Variants in CCDC178 observed in about 807,000 individuals in gnomAD.
CCDC178 encodes the protein coiled-coil domain-containing protein 178.
CCDC178 carries 126 observed loss-of-function variants against 117.4 expected under a neutral mutation model. The observed-to-expected ratio is 1.07, with a 90% CI of 0.93 to 1.24. The LOEUF is 1.24. CCDC178 is among the 50% of genes most tolerant of loss of function. CCDC178 has a pLI of 0.00. For missense variants in CCDC178, 1,030 were observed against 986.9 expected (o/e 1.04, Z -0.59); for synonymous variants, 283 against 313.4 (o/e 0.90, Z 1.02).
At chr18:33,049,399 T>G (rs1399343885) in intron 21 of CCDC178, among the ~76,000 whole-genome samples, 4 of 152,192 alleles carry the variant, frequency 2.6e-5, no homozygotes, top group African/African-American at 9.6e-5. Context: ...TTTGATTTAA[T>G]GTAATTTAAA....
intron 12 of CCDC178, among the ~76,000 whole-genome samples, chr18:33,269,964 G>T (rs1338008394): frequency 6.6e-6 from 1 of 151,608 alleles, no homozygotes; most frequent in South Asian, 2.1e-4. Flanking sequence ...ATATGTTCAA[G>T]GATCTAAAGG....
chr18:33,023,913 G>A (rs536467743), intron 21 of CCDC178, among the ~76,000 whole-genome samples: 5 of 152,220 alleles, frequency 3.3e-5, no homozygotes, highest in Admixed American at 6.5e-5. Flanking sequence ...CAAGGGATAT[G>A]GTACTACTGA....
chr18:33,062,339 T>C (rs768614895), intron 21 of CCDC178, among the ~76,000 whole-genome samples: 3 of 152,196 alleles, frequency 2.0e-5, no homozygotes, highest in African/African-American at 4.8e-5. Flanking sequence ...TAAACTTGAC[T>C]TCACGATGGC....
chr18:33,086,417 AATAT>A (rs1318096366), intron 21 of CCDC178, among the ~76,000 whole-genome samples: 1 of 149,686 alleles, frequency 6.7e-6, no homozygotes, highest in African/African-American at 2.5e-5. Flanking sequence ...TACATATATA[AATAT>A]ATATACACAC....
intron 20 of CCDC178, among the ~76,000 whole-genome samples, chr18:33,138,207 C>G (rs530812061): frequency 1.8e-4 from 28 of 152,294 alleles, no homozygotes; most frequent in African/African-American, 6.0e-4. Context: ...GAGAAATACA[C>G]AGTTGCTGAA....
intron 22 of CCDC178, chr18:32,954,669 G>T (rs2054556543): frequency 6.6e-6 from 1 of 152,094 alleles, no homozygotes; most frequent in Non-Finnish European, 1.5e-5. Context: ...GAATTGGGAG[G>T]TAGTGATGGA....
At chr18:33,193,394 T>C (rs1339489188) in intron 20 of CCDC178, among the ~76,000 whole-genome samples, 1 of 152,126 alleles carries the variant, frequency 6.6e-6, no homozygotes, top group African/African-American at 2.4e-5. Context: ...TTAATGACTT[T>C]GTTAAATATA....
At chr18:33,387,938 G>C (rs2063517373) in intron 5 of CCDC178, among the ~76,000 whole-genome samples, 1 of 152,076 alleles carries the variant, frequency 6.6e-6, no homozygotes, top group African/African-American at 2.4e-5. Flanking sequence ...TACAGAATGG[G>C]AGAAAATTTT....
intron 2 of CCDC178, among the ~76,000 whole-genome samples, chr18:33,415,620 A>G (rs1000472900): frequency 1.3e-5 from 2 of 152,162 alleles, no homozygotes; most frequent in East Asian, 1.9e-4. Flanking sequence ...CGGGTGCAGC[A>G]CACCAACATG....
chr18:33,024,586 A>G (rs752270251), intron 21 of CCDC178, among the ~76,000 whole-genome samples: 7 of 152,172 alleles, frequency 4.6e-5, no homozygotes, highest in Non-Finnish European at 7.4e-5. Context: ...TGAACACAAA[A>G]TTGACACACT....
chr18:32,996,233 C>A (rs2055505260), intron 21 of CCDC178, among the ~76,000 whole-genome samples: 1 of 151,858 alleles, frequency 6.6e-6, no homozygotes, highest in Non-Finnish European at 1.5e-5. Context: ...ACTATAAAAT[C>A]TGTAGTAATA....
intron 22 of CCDC178, among the ~76,000 whole-genome samples, chr18:32,961,707 G>A (rs1040736345): frequency 6.6e-5 from 10 of 151,940 alleles, no homozygotes; most frequent in East Asian, 1.9e-4. Flanking sequence ...AATAGGATTC[G>A]TGCTCCTATG....
chr18:33,342,703 G>A (rs2062832125), intron 9 of CCDC178, among the ~76,000 whole-genome samples: 2 of 152,148 alleles, frequency 1.3e-5, no homozygotes, highest in South Asian at 2.1e-4. Flanking sequence ...CAGCGCAATT[G>A]GATCTGCGGC....
At chr18:33,285,532 C>T (rs1305043376) in intron 12 of CCDC178, among the ~76,000 whole-genome samples, 4 of 151,986 alleles carry the variant, frequency 2.6e-5, no homozygotes, top group Non-Finnish European at 2.9e-5. Flanking sequence ...TTAAGAACAC[C>T]GGAATACAGA....
chr18:33,084,081 T>C (rs1193809216), intron 21 of CCDC178, among the ~76,000 whole-genome samples: 1 of 152,082 alleles, frequency 6.6e-6, no homozygotes, highest in African/African-American at 2.4e-5. Context: ...TATTGGGACT[T>C]TTTTTTTCTA....
chr18:33,291,730 C>T (rs2060167866), intron 12 of CCDC178, among the ~76,000 whole-genome samples: 1 of 152,086 alleles, frequency 6.6e-6, no homozygotes, highest in Admixed American at 6.6e-5. Context: ...CACACCACTG[C>T]TGATTTTAGA....
intron 21 of CCDC178, among the ~76,000 whole-genome samples, chr18:33,066,480 T>G (rs1020188621): frequency 1.1e-4 from 17 of 152,136 alleles, no homozygotes; most frequent in Non-Finnish European, 2.4e-4. Context: ...AATAAAATGA[T>G]AGCAATAAGT....
chr18:33,367,514 T>A (rs2063227931), intron 6 of CCDC178, among the ~76,000 whole-genome samples: 2 of 152,116 alleles, frequency 1.3e-5, no homozygotes, highest in South Asian at 4.1e-4. Flanking sequence ...CAATGTAAGG[T>A]TGTCTAATAT....
chr18:33,162,970 G>T (rs1037089266), intron 20 of CCDC178, among the ~76,000 whole-genome samples: 3 of 152,054 alleles, frequency 2.0e-5, no homozygotes, highest in East Asian at 1.9e-4. Flanking sequence ...TTGGTAGGTC[G>T]AATGGTAGTT....
Sources: gnomAD v4.1 joint callset for allele counts (sites outside exome capture counted in the v4.1 genomes callset) on GRCh38, gnomAD v4.1.1 for gene constraint, MANE v1.5 for transcripts, NCBI Gene and HGNC (gene_info 2026-07-23, HGNC 2026-07-21) for gene names.